MAMSTR: variants seen among roughly 807,000 people sequenced by gnomAD.
The protein encoded by MAMSTR is MEF2-activating motif and SAP domain-containing transcriptional regulator.
Under a neutral mutation model 42.7 loss-of-function variants are expected in MAMSTR, and 41 were observed. The ratio of observed to expected loss-of-function variants is 0.96; its 90% confidence interval spans 0.75 to 1.25. The LOEUF (loss-of-function observed/expected upper bound fraction) is 1.25. Ranked by LOEUF, MAMSTR falls within the 50% of genes most tolerant of loss-of-function variation. The pLI, the probability that MAMSTR is intolerant of heterozygous loss-of-function variation, is 0.00. For synonymous variants in MAMSTR, 265 were observed against 244.1 expected, an observed-to-expected ratio of 1.09 and a Z score of -0.80; for missense variants, 567 against 557.6, an observed-to-expected ratio of 1.02 and a Z score of -0.17.
At position 48,714,315 on chromosome 19, in the gene MAMSTR, C is replaced by A. The variant is rs972463113; in HGVS notation, c.723+51G>T. 4 of 1,326,796 alleles carry A rather than the reference C, an allele frequency of 3.0e-6. No individual in the cohort carries two copies. In the East Asian group the frequency reaches 1.2e-4, roughly 39 times the overall value. 82.2% of individuals were successfully genotyped at this position (1,326,796 alleles called of 1,614,324 possible). ...TAGTTTTTTCGACACCCCGCCCCGG[C>A]CCACTTTGCTTTCTCTTCATTGGTC... On this transcript the variant is annotated intron_variant, in intron 7 of 9. Transcript: ENST00000318083.
At chr19:48,715,237 G>A (rs1356842952) in intron 5 of MAMSTR, 25 bp downstream of exon 5, 4 of 1,559,314 alleles carry the variant, frequency 2.6e-6, no homozygotes, top group Non-Finnish European at 3.5e-6. Context: ...TCTGGGTCCC[G>A]GGAGAACAGA....
At chr19:48,718,380 CTTTT>C (rs796615883) in intron 2 of MAMSTR, among the ~76,000 whole-genome samples, 1,012 of 95,094 alleles carry the variant, frequency 0.011, 8 homozygotes, top group African/African-American at 0.041. Context: ...TTGCACACTT[CTTTT>C]TTTTTTTTTT....
Position 48,713,062 on chromosome 19 carries a change from C to T in MAMSTR, c.*205G>A, listed in dbSNP as rs2032778269. On this transcript the variant is annotated 3_prime_UTR_variant, in exon 10 of 10. Coordinates refer to ENST00000318083, the MANE Select transcript of MAMSTR (RefSeq NM_001130915.2). ...CAAAAGAAGCCCCCCAACCATACCACGCCGGAGGGGGATCATAAGGAGGCC... is the reference window on the plus strand; with the variant it reads ...CAAAAGAAGCCCCCCAACCATACCATGCCGGAGGGGGATCATAAGGAGGCC... 7.6e-6 allele frequency: 4 copies of T among 523,588 alleles called. No individual in the cohort carries two copies. The highest frequency in any genetic ancestry group is 3.0e-5 in the South Asian group (1 of 32,876). The allele number at this position is 523,588 out of a possible 1,614,324, so 32.4% of individuals were successfully genotyped here.
In MAMSTR at chr19:48,713,925, AG is replaced by A. The variant is rs768181577; in HGVS notation, c.843del (p.Ser282GlnfsTer8). 6.2e-7 allele frequency: 1 copy of A among 1,612,402 alleles called. No individual in the cohort carries two copies. On this transcript the variant is annotated frameshift_variant, in exon 8 of 10. Transcript: ENST00000318083. LOFTEE classifies it high-confidence loss of function. ...APAAAPALTP[S>X]SGPGSAALTL... ...GTCAGAGCCGCTGAGCCCGGCCCTG[AG>A]GAAGGGGTCAGGGCTGGAGCTGCAG...
chr19:48,708,272 G>GA (rs2032683874), downstream of MAMSTR, among the ~76,000 whole-genome samples: 2 of 148,670 alleles, frequency 1.3e-5, no homozygotes, highest in East Asian at 2.0e-4. Context: ...AGGAAAGAAG[G>GA]AAAAAGAGAG....
intron 3 of MAMSTR, 57 bp downstream of exon 3, chr19:48,716,648 A>G: frequency 7.6e-7 from 1 of 1,323,318 alleles, no homozygotes; most frequent in South Asian, 2.2e-5. Context: ...GTATTCCAGG[A>G]TATCCCAGTG....
Position 48,716,228 on chromosome 19 carries a change from T to A in MAMSTR, c.98-461A>T, listed in dbSNP as rs563539353. Among the ~76,000 whole-genome samples the A allele has an allele frequency of 1.8e-3, 273 of 151,974 alleles. 1 individual carries two copies. The highest frequency in any genetic ancestry group is 2.9e-3 in the Non-Finnish European group (200 of 67,942). ...CCGTCTCTACTAACAATACAAAAATTAGCCAGGCGTGGTGGCACGTGCCTG... is the reference window on the plus strand; with the variant it reads ...CCGTCTCTACTAACAATACAAAAATAAGCCAGGCGTGGTGGCACGTGCCTG... On this transcript the variant is annotated intron_variant, in intron 3 of 9. Transcript: ENST00000318083.
chr19:48,716,719 C>T lies in MAMSTR; in HGVS notation c.83G>A (p.Arg28Gln), dbSNP rs998038111. The T allele has an allele frequency of 2.0e-5, 27 of 1,338,562 alleles. No individual in the cohort carries two copies. The highest frequency in any genetic ancestry group is 2.6e-5 in the Non-Finnish European group (27 of 1,035,552). 82.9% of individuals were successfully genotyped at this position (1,338,562 alleles called of 1,614,324 possible). A position where few individuals can be genotyped will look rare whatever the true frequency, so the allele number is the denominator to read the frequency against. ...CCCATACTTACTCTGCTCCTGATTC[C>T]GTCTGTGGATCCGAAGCTGGAGGAC... ...RSVLQLRIHRRNQEQISDPDP... is the reference protein window; with the variant it reads ...RSVLQLRIHRQNQEQISDPDP... Residue 28 changes from arginine (R) to glutamine (Q), a missense_variant, in exon 3 of 10, where the codon CGG becomes CAG. Coordinates refer to ENST00000318083, the MANE Select transcript of MAMSTR (RefSeq NM_001130915.2).
At chr19:48,709,948 C>A (rs2032699475), downstream of MAMSTR, among the ~76,000 whole-genome samples, 3 of 151,694 alleles carry the variant, frequency 2.0e-5, no homozygotes, top group African/African-American at 7.3e-5. Context: ...CGGCTCACTG[C>A]AAGCTCCACC....
At chr19:48,707,904 GGAAGAAAGAAAGAAA>G (rs2032677109), downstream of MAMSTR, among the ~76,000 whole-genome samples, 6 of 111,922 alleles carry the variant, frequency 5.4e-5, no homozygotes, top group African/African-American at 2.3e-4. Flanking sequence ...AAGAAAGAAA[GGAAGAAAGAAAGAAA>G]AAAGAAAGAA....
chr19:48,718,978 T>A lies in MAMSTR; in HGVS notation c.54A>T (p.Arg18=). 6.5e-7 allele frequency: 1 copy of A among 1,547,212 alleles called. No individual in the cohort carries two copies. The highest frequency in any genetic ancestry group is 2.0e-5 in the Admixed American group (1 of 50,814). Residue 18 remains arginine (R), a synonymous_variant, in exon 2 of 10, where the codon CGA becomes CGT. Coordinates refer to ENST00000318083, the MANE Select transcript of MAMSTR (RefSeq NM_001130915.2). ...QRSQIIRSKF[R]SVLQLRIHRR... is the part of the protein sequence containing the mutation. ...ATAAAGAGAGCCCTCTCTCACCAGA[T>A]CGGAACTTGGAGCGAATGATTTGGG...
At position 48,714,411 on chromosome 19, in the gene MAMSTR, C is replaced by T; in HGVS notation, c.678G>A (p.Pro226=). The change falls in exon 7 of 10, where the codon CCG becomes CCA. Residue 226 remains proline (P), a synonymous_variant. Transcript: ENST00000318083. ...REDSPAGAPW[P]RLKPKALAAA... ...CTGCCAGGGCCTTGGGCTTGAGGCGCGGCCAGGGAGCACCCGCGGGACTGT... is the reference window on the plus strand; with the variant it reads ...CTGCCAGGGCCTTGGGCTTGAGGCGTGGCCAGGGAGCACCCGCGGGACTGT... The T allele has an allele frequency of 4.3e-6, 6 of 1,389,312 alleles. No individual in the cohort carries two copies. The highest frequency in any genetic ancestry group is 3.5e-5 in the Admixed American group (1 of 28,296). The allele number at this position is 1,389,312 out of a possible 1,614,324, so 86.1% of individuals were successfully genotyped here. A position where few individuals can be genotyped will look rare whatever the true frequency, so the allele number is the denominator to read the frequency against.
intron 3 of MAMSTR, 51 bp from the exon 4 acceptor site, chr19:48,715,818 C>A: frequency 2.0e-6 from 3 of 1,511,988 alleles, no homozygotes; most frequent in Non-Finnish European, 2.6e-6. Flanking sequence ...CAAGCCAGGC[C>A]GGGAGGAGCA....
rs547835114 is a variant in MAMSTR at position 48,714,501 on chromosome 19, A to C, written c.588T>G (p.Ser196=). 68 of 1,437,938 alleles carry C rather than the reference A, an allele frequency of 4.7e-5. No homozygotes were observed. Among genetic ancestry groups the C allele is most frequent in the Non-Finnish European group, 5.7e-5 (63 of 1,109,094 alleles). 89.1% of individuals were successfully genotyped at this position (1,437,938 alleles called of 1,614,324 possible). A position where few individuals can be genotyped will look rare whatever the true frequency, so the allele number is the denominator to read the frequency against. ...LRGLPVSGTK[S]MLLERMRGGA... ...CGCCGCGCATGCGCTCCAGGAGCAT[A>C]GACTTGGTCCCCGACACTGGGAGGC... Residue 196 remains serine, a synonymous_variant, in exon 7 of 10, where the codon TCT becomes TCG. Transcript: ENST00000318083.
chr19:48,707,839 G>A (rs13344758), downstream of MAMSTR, among the ~76,000 whole-genome samples: 9 of 16,342 alleles, frequency 5.5e-4, no homozygotes, highest in African/African-American at 1.5e-3. Context: ...AGAAAGAAAG[G>A]AAAGAAAGAA....
chr19:48,715,483 G>A (rs2032972643), intron 4 of MAMSTR, 37 bp from the exon 5 acceptor site: 7 of 1,467,452 alleles, frequency 4.8e-6, no homozygotes, highest in Admixed American at 2.9e-5. Flanking sequence ...GCTTCAGCGC[G>A]GCTCCCACCT....
Position 48,715,246 on chromosome 19 carries a change from G to T in MAMSTR, c.425+16C>A. On this transcript the variant is annotated intron_variant, in intron 5 of 9. Transcript: ENST00000318083. ...TGAATTTCTGGGTCCCGGGAGAACA[G>T]AAGTGGGTGTCATACCTAGGATGTG... is the stretch of plus-strand genomic sequence containing the variant. The T allele has an allele frequency of 6.4e-7, 1 of 1,570,098 alleles. No individual in the cohort carries two copies. The highest frequency in any genetic ancestry group is 2.3e-5 in the East Asian group (1 of 43,584).
At chr19:48,713,837 G>A in intron 8 of MAMSTR, 23 bp downstream of exon 8, 8 of 1,614,158 alleles carry the variant, frequency 5.0e-6, no homozygotes, top group Middle Eastern at 1.7e-4. Flanking sequence ...AACCCTAGCC[G>A]GATTCAACCC....
downstream of MAMSTR, among the ~76,000 whole-genome samples, chr19:48,707,879 G>GAA (rs1053730489): frequency 2.2e-4 from 24 of 109,572 alleles, no homozygotes; most frequent in Admixed American, 1.4e-3. Context: ...AAGAAAGAAA[G>GAA]AAAGAAAGAA....
Sources: allele counts gnomAD v4.1 joint callset (sites outside exome capture counted in the v4.1 genomes callset), GRCh38; gene constraint gnomAD v4.1.1; transcripts MANE v1.5; gene names NCBI Gene and HGNC (gene_info 2026-07-23, HGNC 2026-07-21).